The following HS6ST3 variants were observed in gnomAD, a reference collection of about 807,000 sequenced individuals.
HS6ST3 encodes heparan sulfate 6-O-sulfotransferase 3, also known as heparan-sulfate 6-O-sulfotransferase 3.
In HS6ST3, 12 loss-of-function variants were observed where a neutral mutation model predicts 36.7. The observed-to-expected ratio is 0.33, with a 90% CI of 0.21 to 0.53. The LOEUF is 0.53. HS6ST3 is among the 20% of genes least tolerant of loss of function. The pLI, the probability that HS6ST3 is intolerant of heterozygous loss-of-function variation, is 0.95. For missense variants in HS6ST3, 584 were observed against 640.9 expected (o/e 0.91, Z 0.96); for synonymous variants, 240 against 257.5 (o/e 0.93, Z 0.65).
At chr13:96,695,119 T>C (rs567516481) in intron 1 of HS6ST3, among the ~76,000 whole-genome samples, 1 of 152,184 alleles carries the variant, frequency 6.6e-6, no homozygotes, top group Non-Finnish European at 1.5e-5. Flanking sequence ...TCCTTCCTTA[T>C]GTTGGTCAGA....
At chr13:96,652,316 T>G (rs866182736) in intron 1 of HS6ST3, among the ~76,000 whole-genome samples, 1 of 152,040 alleles carries the variant, frequency 6.6e-6, no homozygotes. Flanking sequence ...TACATATATG[T>G]ATTTGCTATG....
intron 1 of HS6ST3, among the ~76,000 whole-genome samples, chr13:96,639,958 C>T (rs912920405): frequency 6.6e-6 from 1 of 151,906 alleles, no homozygotes; most frequent in African/African-American, 2.4e-5. Context: ...TTTATCCAGC[C>T]CACTGTTGAT....
intron 1 of HS6ST3, among the ~76,000 whole-genome samples, chr13:96,371,097 C>T (rs2055287730): frequency 6.6e-6 from 1 of 152,024 alleles, no homozygotes; most frequent in Admixed American, 6.6e-5. Context: ...TTTTCATTGC[C>T]ATATAAAATT....
intron 1 of HS6ST3, among the ~76,000 whole-genome samples, chr13:96,656,136 T>C (rs547804178): frequency 6.6e-6 from 1 of 152,260 alleles, no homozygotes; most frequent in Non-Finnish European, 1.5e-5. Flanking sequence ...AGGGCTACCA[T>C]TGAAGAAGCA....
intron 1 of HS6ST3, among the ~76,000 whole-genome samples, chr13:96,192,172 A>T (rs568280791): frequency 1.6e-4 from 24 of 152,340 alleles, no homozygotes; most frequent in African/African-American, 5.5e-4. Context: ...AAAGGAGATA[A>T]CAAAAGTGCT....
intron 1 of HS6ST3, among the ~76,000 whole-genome samples, chr13:96,446,921 A>G (rs1555756): frequency 0.023 from 3,433 of 152,300 alleles, 135 homozygotes; most frequent in African/African-American, 0.079. Context: ...GCCAGAAACC[A>G]GGAAGCGCAC....
intron 1 of HS6ST3, among the ~76,000 whole-genome samples, chr13:96,758,775 A>G (rs1234315128): frequency 1.3e-5 from 2 of 151,892 alleles, no homozygotes; most frequent in Admixed American, 6.6e-5. Context: ...ATGATACAAC[A>G]TATCAATCTT....
intron 1 of HS6ST3, among the ~76,000 whole-genome samples, chr13:96,546,876 A>G (rs2056199851): frequency 6.6e-6 from 1 of 152,208 alleles, no homozygotes; most frequent in Admixed American, 6.5e-5. Context: ...GCCTGGGACC[A>G]TGCAAGGAAA....
intron 1 of HS6ST3, among the ~76,000 whole-genome samples, chr13:96,825,865 A>C (rs780141183): frequency 4.0e-5 from 6 of 151,622 alleles, no homozygotes; most frequent in Non-Finnish European, 5.9e-5. Context: ...TTCTTTGTCC[A>C]CTCCTGACCT....
chr13:96,754,810 G>C (rs1271660560), intron 1 of HS6ST3, among the ~76,000 whole-genome samples: 2 of 152,028 alleles, frequency 1.3e-5, no homozygotes, highest in Non-Finnish European at 2.9e-5. Flanking sequence ...CAATAAAGTA[G>C]TCTAAGTATG....
intron 1 of HS6ST3, among the ~76,000 whole-genome samples, chr13:96,154,812 A>G (rs941924965): frequency 2.2e-4 from 34 of 152,266 alleles, no homozygotes; most frequent in African/African-American, 7.5e-4. Flanking sequence ...TTGATTACTC[A>G]CCTAGAATAT....
At chr13:96,324,128 G>A (rs1279995069) in intron 1 of HS6ST3, among the ~76,000 whole-genome samples, 3 of 152,176 alleles carry the variant, frequency 2.0e-5, no homozygotes, top group African/African-American at 7.2e-5. Context: ...TGGACTCAGA[G>A]AGGAAACTGA....
At chr13:96,721,792 A>C (rs549429046) in intron 1 of HS6ST3, among the ~76,000 whole-genome samples, 3 of 152,332 alleles carry the variant, frequency 2.0e-5, no homozygotes, top group African/African-American at 7.2e-5. Flanking sequence ...CCTGGAGCCA[A>C]GCTCATTAAA....
chr13:96,555,725 A>T (rs1032844468), intron 1 of HS6ST3, among the ~76,000 whole-genome samples: 1 of 152,188 alleles, frequency 6.6e-6, no homozygotes, highest in Non-Finnish European at 1.5e-5. Context: ...TTTTGTTATT[A>T]GAAAATCTAT....
intron 1 of HS6ST3, among the ~76,000 whole-genome samples, chr13:96,672,453 C>T (rs1566426318): frequency 6.6e-6 from 1 of 152,254 alleles, no homozygotes; most frequent in Middle Eastern, 3.4e-3. Flanking sequence ...TGCGTGTTTC[C>T]TTGGCAACCC....
At chr13:96,695,575 G>A (rs966027602) in intron 1 of HS6ST3, among the ~76,000 whole-genome samples, 9 of 147,624 alleles carry the variant, frequency 6.1e-5, no homozygotes, top group Admixed American at 1.4e-4. Context: ...TGAGACTACA[G>A]GCACATACCA....
At chr13:96,644,720 G>A (rs1335091962) in intron 1 of HS6ST3, among the ~76,000 whole-genome samples, 1 of 151,964 alleles carries the variant, frequency 6.6e-6, no homozygotes, top group African/African-American at 2.4e-5. Context: ...ACCCATGGCT[G>A]TACCTTAGGA....
At chr13:96,258,357 A>AAAC (rs147134800) in intron 1 of HS6ST3, among the ~76,000 whole-genome samples, 8,243 of 152,130 alleles carry the variant, frequency 0.054, 292 homozygotes, top group East Asian at 0.14. Context: ...CAGATGTTCA[A>AAAC]AACAACAACA....
intron 1 of HS6ST3, among the ~76,000 whole-genome samples, chr13:96,778,817 G>A (rs1253818498): frequency 6.6e-6 from 1 of 152,110 alleles, no homozygotes. Context: ...TCCTATTACT[G>A]GGTATCTACC....
Sources: allele counts gnomAD v4.1 joint callset (sites outside exome capture counted in the v4.1 genomes callset), GRCh38; gene constraint gnomAD v4.1.1; transcripts MANE v1.5; gene names NCBI Gene and HGNC (gene_info 2026-07-23, HGNC 2026-07-21).